The following SLC46A3 variants were observed in gnomAD, a reference collection of about 807,000 sequenced individuals.
SLC46A3 encodes solute carrier family 46 member 3, also known as lysosomal proton-coupled steroid conjugate and bile acid symporter SLC46A3.
A neutral mutation model predicts 38.5 loss-of-function variants in SLC46A3; 26 were observed. The observed-to-expected ratio is 0.68, with a 90% CI of 0.49 to 0.94. The LOEUF (loss-of-function observed/expected upper bound fraction) is 0.94. Ranked by LOEUF, SLC46A3 falls within the 40% of genes least tolerant of loss-of-function variation. The pLI, the probability that SLC46A3 is intolerant of heterozygous loss-of-function variation, is 0.00. For synonymous variants in SLC46A3, 185 were observed against 192.5 expected, an observed-to-expected ratio of 0.96 and a Z score of 0.32; for missense variants, 510 against 544.3, an observed-to-expected ratio of 0.94 and a Z score of 0.63.
chr13:28,707,932 A>G (rs1885222845), intron 4 of SLC46A3, among the ~76,000 whole-genome samples: 1 of 152,240 alleles, frequency 6.6e-6, no homozygotes, highest in Non-Finnish European at 1.5e-5. Flanking sequence ...TTAAATGACA[A>G]TATGTGGCCT....
At chr13:28,708,614 C>CTTT (rs71190788) in intron 4 of SLC46A3, among the ~76,000 whole-genome samples, 131 of 128,244 alleles carry the variant, frequency 1.0e-3, no homozygotes, top group Non-Finnish European at 1.5e-3. Context: ...TTTTTCTTTT[C>CTTT]TTTTTTTTTT....
At position 28,713,236 on chromosome 13, in the gene SLC46A3, T is replaced by A. The variant is rs143624220; in HGVS notation, c.504A>T (p.Arg168=). Residue 168 remains arginine (R), a synonymous_variant, in exon 3 of 6, where the codon CGA becomes CGT. Coordinates refer to ENST00000266943, the MANE Select transcript of SLC46A3 (RefSeq NM_181785.4). The part of the protein sequence containing the change: ...QCKEHKQKTI[R]IAIIDFLLGL... ...CAAGTAGAAAGTCAATGATAGCTATTCGAATTGTTTTTTGTTTGTGTTCTT... is the reference window on the plus strand; with the variant it reads ...CAAGTAGAAAGTCAATGATAGCTATACGAATTGTTTTTTGTTTGTGTTCTT... The A allele has an allele frequency of 8.7e-4, 1,403 of 1,614,038 alleles. 12 individuals are homozygous for A. The African/African-American group carries it at 0.017, about 20-fold the overall frequency.
rs1036507072 is a variant in SLC46A3, at chr13:28,701,244, A to G, written c.*253T>C. On this transcript the variant is annotated 3_prime_UTR_variant, in exon 6 of 6. Transcript: ENST00000266943. ...GTTTTAATGTTTCTCTTCTAAGTCT[A>G]AAAGTGAGGCGTATTTGAAATTTGT... The G allele has an allele frequency of 2.9e-6, 4 of 1,393,388 alleles. No homozygotes were observed. The highest frequency in any genetic ancestry group is 3.7e-6 in the Non-Finnish European group (4 of 1,077,146). The allele number at this position is 1,393,388 out of a possible 1,614,324, so 86.3% of individuals were successfully genotyped here.
Position 28,717,484 on chromosome 13 carries a change from A to AATTTTTTTTTT in SLC46A3, c.189+325_189+326insAAAAAAAAAAT, listed in dbSNP as rs1322198755. Among the ~76,000 whole-genome samples, 230 of 93,968 alleles carry AATTTTTTTTTT rather than the reference A, an allele frequency of 2.4e-3. 24 individuals are homozygous for AATTTTTTTTTT. The highest frequency in any genetic ancestry group is 5.4e-3 in the Middle Eastern group (1 of 186). The allele number at this position is 93,968 out of a possible 152,430, so 61.6% of individuals were successfully genotyped here. On this transcript the variant is annotated intron_variant, in intron 2 of 5. Transcript: ENST00000266943. ...CAGCCTGCCCTGCCCCAATTTTCAG[A>AATTTTTTTTTT]CTTTTTTTTTTTTTTTTTTTTTTTT...
At chr13:28,717,484 ACTTTTTTTTT>A (rs1185004976) in intron 2 of SLC46A3, among the ~76,000 whole-genome samples, 3 of 94,276 alleles carry the variant, frequency 3.2e-5, no homozygotes, top group South Asian at 5.4e-4. Context: ...CAATTTTCAG[ACTTTTTTTTT>A]TTTTTTTTTT....
intron 4 of SLC46A3, among the ~76,000 whole-genome samples, chr13:28,709,468 G>T (rs1885279108): frequency 6.6e-6 from 1 of 152,140 alleles, no homozygotes; most frequent in South Asian, 2.1e-4. Flanking sequence ...TACATTCACA[G>T]CACCGGGCTA....
intron 2 of SLC46A3, among the ~76,000 whole-genome samples, chr13:28,714,119 ACT>A (rs1885449999): frequency 7.1e-6 from 1 of 140,256 alleles, no homozygotes; most frequent in African/African-American, 2.7e-5. Context: ...ACATGGTAAA[ACT>A]CTGTCTCTAC....
rs1885001097 is a variant in SLC46A3 at position 28,701,013 on chromosome 13, T to C, written c.*484A>G. The stretch of plus-strand genomic sequence containing the variant: ...AAATCATACATATTTGAAACTTATA[T>C]CATTATTTTCCTACCAATGAGTGAT... On this transcript the variant is annotated 3_prime_UTR_variant, in exon 6 of 6. Transcript: ENST00000266943. The C allele has an allele frequency of 1.8e-5, 28 of 1,524,384 alleles. 1 individual carries two copies. The highest frequency in any genetic ancestry group is 4.5e-5 in the Admixed American group (2 of 44,730). The allele number at this position is 1,524,384 out of a possible 1,614,324, so 94.4% of individuals were successfully genotyped here.
intron 2 of SLC46A3, among the ~76,000 whole-genome samples, chr13:28,714,335 T>G (rs927917864): frequency 7.3e-5 from 11 of 151,722 alleles, no homozygotes; most frequent in Non-Finnish European, 1.6e-4. Flanking sequence ...CGTGGCTGAG[T>G]GTGGTGGCTT....
chr13:28,712,366 TAGC>T (rs1404887894), intron 3 of SLC46A3, among the ~76,000 whole-genome samples: 1 of 152,230 alleles, frequency 6.6e-6, no homozygotes, highest in African/African-American at 2.4e-5. Flanking sequence ...GTAGTCTTAT[TAGC>T]AGCATTTTAA....
chr13:28,711,285 G>T (rs971626094), intron 3 of SLC46A3, among the ~76,000 whole-genome samples: 1 of 152,060 alleles, frequency 6.6e-6, no homozygotes, highest in Non-Finnish European at 1.5e-5. Flanking sequence ...TTAGCCAGGC[G>T]TGGTGGCGCA....
At chr13:28,710,080 T>G (rs1021331708) in intron 4 of SLC46A3, among the ~76,000 whole-genome samples, 1 of 152,186 alleles carries the variant, frequency 6.6e-6, no homozygotes. Context: ...ATGAATGATC[T>G]AGGAGACCCG....
intron 4 of SLC46A3, among the ~76,000 whole-genome samples, chr13:28,707,148 C>G (rs1218023969): frequency 6.6e-6 from 1 of 152,006 alleles, no homozygotes; most frequent in Non-Finnish European, 1.5e-5. Flanking sequence ...TTGGAACCAA[C>G]CCAAATGTCC....
At position 28,700,918 on chromosome 13, in the gene SLC46A3, G is replaced by A; in HGVS notation, c.*579C>T. On this transcript the variant is annotated 3_prime_UTR_variant, in exon 6 of 6. Coordinates refer to ENST00000266943, the MANE Select transcript of SLC46A3 (RefSeq NM_181785.4). ...TCATGTATAGTCTTCAGAAGTCACA[G>A]TATATAAGCTCCGACTATCAATAGC... 6.8e-7 allele frequency: 1 copy of A among 1,475,584 alleles called. No homozygotes were observed. 91.4% of individuals were successfully genotyped at this position (1,475,584 alleles called of 1,614,324 possible).
chr13:28,713,616 T>C, intron 2 of SLC46A3, 66 bp from the exon 3 acceptor site: 3 of 1,477,688 alleles, frequency 2.0e-6, no homozygotes, highest in Non-Finnish European at 1.8e-6. Flanking sequence ...AAAAATATCA[T>C]GGTGCATATG....
At chr13:28,702,780 C>T (rs1026817984) in intron 5 of SLC46A3, among the ~76,000 whole-genome samples, 1 of 152,164 alleles carries the variant, frequency 6.6e-6, no homozygotes, top group Non-Finnish European at 1.5e-5. Context: ...ATGAGCCAGC[C>T]CTTTAGGGAG....
At chr13:28,707,918 A>G (rs1327688322) in intron 4 of SLC46A3, among the ~76,000 whole-genome samples, 1 of 152,240 alleles carries the variant, frequency 6.6e-6, no homozygotes, top group African/African-American at 2.4e-5. Flanking sequence ...AAACAGAATC[A>G]TATTTAAATG....
Position 28,717,804 on chromosome 13 carries a change from T to C in SLC46A3, c.189+6A>G. ...ATTAAATACTATGGATATTGTAATTTCTTACCTCCTGGAATGCAAAAATTG... is the reference window on the plus strand; with the variant it reads ...ATTAAATACTATGGATATTGTAATTCCTTACCTCCTGGAATGCAAAAATTG... On this transcript the variant is annotated splice_donor_region_variant and intron_variant, in intron 2 of 5. Coordinates refer to ENST00000266943, the MANE Select transcript of SLC46A3 (RefSeq NM_181785.4). The C allele has an allele frequency of 6.2e-7, 1 of 1,611,578 alleles. No homozygotes were observed. Among genetic ancestry groups the C allele is most frequent in the South Asian group, 1.1e-5 (1 of 90,770 alleles).
chr13:28,701,918 A>C (rs2137817756), intron 5 of SLC46A3, among the ~76,000 whole-genome samples: 1 of 152,270 alleles, frequency 6.6e-6, no homozygotes, highest in African/African-American at 2.4e-5. Flanking sequence ...GGACATTTGG[A>C]GGTAAGACAG....
Sources: gnomAD v4.1 joint callset for allele counts (sites outside exome capture counted in the v4.1 genomes callset) on GRCh38, gnomAD v4.1.1 for gene constraint, MANE v1.5 for transcripts, NCBI Gene and HGNC (gene_info 2026-07-23, HGNC 2026-07-21) for gene names.